Variants in DNAJC13 observed in about 807,000 individuals in gnomAD.
DNAJC13 encodes DnaJ heat shock protein family (Hsp40) member C13, also known as dnaJ homolog subfamily C member 13.
A neutral mutation model predicts 290.5 loss-of-function variants in DNAJC13; 75 were observed. The observed-to-expected ratio is 0.26, with a 90% CI of 0.21 to 0.31. DNAJC13 has a LOEUF of 0.31. Ranked by LOEUF, DNAJC13 falls within the 10% of genes least tolerant of loss-of-function variation. The pLI, the probability that DNAJC13 is intolerant of heterozygous loss-of-function variation, is 1.00. For missense variants in DNAJC13, 2,260 were observed against 2,674.5 expected (o/e 0.85, Z 3.42); for synonymous variants, 862 against 892.0 (o/e 0.97, Z 0.60).
In DNAJC13 at chr3:132,511,118, C is replaced by T; in HGVS notation, c.5167C>T (p.Gln1723Ter). ...SLLDYIGSQAQYLHTFMAITH... is the reference protein window; with the variant it reads ...SLLDYIGSQA ...CTTGGATTATATAGGCTCGCAGGCCCAATACTTGCACACATTCATGGCCAT... is the reference window on the plus strand; with the variant it reads ...CTTGGATTATATAGGCTCGCAGGCCTAATACTTGCACACATTCATGGCCAT... Residue 1723 changes from glutamine (Q) to a stop codon, truncating the protein, a stop_gained, in exon 44 of 56, where the codon CAA (glutamine) becomes TAA (stop). Coordinates refer to ENST00000260818, the MANE Select transcript of DNAJC13 (RefSeq NM_015268.4). LOFTEE classifies it high-confidence loss of function. 6.2e-7 allele frequency: 1 copy of T among 1,613,848 alleles called. No homozygotes were observed. The highest frequency in any genetic ancestry group is 8.5e-7 in the Non-Finnish European group (1 of 1,179,886).
intron 2 of DNAJC13, among the ~76,000 whole-genome samples, chr3:132,445,111 T>C (rs1487128489): frequency 6.6e-6 from 1 of 152,160 alleles, no homozygotes; most frequent in Non-Finnish European, 1.5e-5. Flanking sequence ...ATACTTTTAT[T>C]GTATTACCTT....
At chr3:132,420,998 T>G (rs1184614768) in intron 1 of DNAJC13, among the ~76,000 whole-genome samples, 1 of 152,228 alleles carries the variant, frequency 6.6e-6, no homozygotes, top group Non-Finnish European at 1.5e-5. Flanking sequence ...GTTTTGTACA[T>G]GTTAAATACT....
intron 31 of DNAJC13, among the ~76,000 whole-genome samples, chr3:132,489,268 A>T (rs1305123986): frequency 6.6e-6 from 1 of 152,174 alleles, no homozygotes; most frequent in African/African-American, 2.4e-5. Context: ...CTATAGCCTG[A>T]CACCTCCATG....
At chr3:132,482,408 G>C in intron 27 of DNAJC13, 78 bp downstream of exon 27, 1 of 1,141,698 alleles carries the variant, frequency 8.8e-7, no homozygotes, top group Non-Finnish European at 1.3e-6. Flanking sequence ...CAGAGGCGTG[G>C]AATGTTTTAA....
chr3:132,521,378 C>T (rs1053518321), intron 48 of DNAJC13, among the ~76,000 whole-genome samples: 5 of 152,072 alleles, frequency 3.3e-5, no homozygotes, highest in Admixed American at 6.6e-5. Context: ...TCCAAAAAAA[C>T]AATAAGCAGT....
At position 132,525,603 on chromosome 3, in the gene DNAJC13, C is replaced by T. The variant is rs185211266; in HGVS notation, c.6061-7C>T. 19 of 1,612,838 alleles carry T rather than the reference C, an allele frequency of 1.2e-5. No individual in the cohort carries two copies. In the Admixed American group the frequency reaches 3.2e-4, roughly 27 times the overall value. On this transcript the variant is annotated splice_region_variant and splice_polypyrimidine_tract_variant and intron_variant, in intron 51 of 55. Coordinates refer to ENST00000260818, the MANE Select transcript of DNAJC13 (RefSeq NM_015268.4). ...ATAGTTGATTTATTTTTGTTTTACACCTGCAGGGAGAAACTCTGGAAACCT... is the reference window on the plus strand; with the variant it reads ...ATAGTTGATTTATTTTTGTTTTACATCTGCAGGGAGAAACTCTGGAAACCT...
chr3:132,424,979 C>T (rs1171772358), intron 1 of DNAJC13, among the ~76,000 whole-genome samples: 2 of 152,092 alleles, frequency 1.3e-5, no homozygotes, highest in African/African-American at 4.8e-5. Flanking sequence ...ACAGCACATT[C>T]TATCTAAACA....
At chr3:132,436,163 G>A (rs1396581462) in intron 2 of DNAJC13, among the ~76,000 whole-genome samples, 3 of 151,996 alleles carry the variant, frequency 2.0e-5, no homozygotes, top group East Asian at 1.9e-4. Flanking sequence ...TCATCACCTC[G>A]CCTTCCCTGC....
intron 2 of DNAJC13, among the ~76,000 whole-genome samples, chr3:132,441,094 G>C (rs1933050942): frequency 6.6e-6 from 1 of 152,142 alleles, no homozygotes; most frequent in African/African-American, 2.4e-5. Flanking sequence ...TATCCTAAAG[G>C]CTTCAAGAAA....
At chr3:132,490,247 G>A (rs192220151) in intron 31 of DNAJC13, among the ~76,000 whole-genome samples, 94 of 152,126 alleles carry the variant, frequency 6.2e-4, no homozygotes, top group African/African-American at 2.1e-3. Context: ...CTTTAAATTT[G>A]CCTAGAAGGA....
intron 55 of DNAJC13, among the ~76,000 whole-genome samples, chr3:132,533,476 C>T (rs1301439004): frequency 6.6e-6 from 1 of 151,522 alleles, no homozygotes. Context: ...GCTGAGATTA[C>T]AGGTGTGCAC....
Position 132,502,374 on chromosome 3 carries a change from C to G in DNAJC13, c.4622C>G (p.Ala1541Gly), listed in dbSNP as rs149756093. Reference sequence around the variant, plus strand: ...TGGCTACAGACACACCTATTTCAGGCTGGAATTTTGTGGTATCTCCTTGGT... The same window carrying G: ...TGGCTACAGACACACCTATTTCAGGGTGGAATTTTGTGGTATCTCCTTGGT... Reference protein sequence around the residue: ...DFWLQTHLFQAGILWYLLGFL... With the variant: ...DFWLQTHLFQGGILWYLLGFL... Residue 1541 changes from alanine (A) to glycine (G), a missense_variant, in exon 40 of 56, where the codon GCT becomes GGT. Transcript: ENST00000260818. 2.0e-5 allele frequency: 32 copies of G among 1,613,794 alleles called. No individual in the cohort carries two copies. The African/African-American group carries it at 4.0e-4, about 20-fold the overall frequency.
intron 6 of DNAJC13, among the ~76,000 whole-genome samples, chr3:132,451,255 A>G (rs1933406700): frequency 6.6e-6 from 1 of 152,114 alleles, no homozygotes; most frequent in African/African-American, 2.4e-5. Flanking sequence ...TGAGCCCAGG[A>G]GTTTGAGACC....
chr3:132,538,924 C>A lies in DNAJC13; in HGVS notation c.*642C>A, dbSNP rs1237740241. The A allele has an allele frequency of 6.6e-6, 1 of 152,612 alleles. No individual in the cohort carries two copies. Among genetic ancestry groups the A allele is most frequent in the Admixed American group, 6.5e-5 (1 of 15,282 alleles). 9.5% of individuals were successfully genotyped at this position (152,612 alleles called of 1,614,324 possible). Reference sequence around the variant, plus strand: ...GAGTGTAATTGTGAAATGTTCTATACACTATCAAATATATAAAGCTTTCTA... The same window carrying A: ...GAGTGTAATTGTGAAATGTTCTATAAACTATCAAATATATAAAGCTTTCTA... On this transcript the variant is annotated 3_prime_UTR_variant, in exon 56 of 56. Coordinates refer to ENST00000260818, the MANE Select transcript of DNAJC13 (RefSeq NM_015268.4).
At chr3:132,462,886 A>G (rs1187580379) in intron 16 of DNAJC13, among the ~76,000 whole-genome samples, 2 of 152,250 alleles carry the variant, frequency 1.3e-5, no homozygotes, top group Non-Finnish European at 2.9e-5. Context: ...GAGTTAGTTC[A>G]TACCAAAATG....
rs1935932431 is a variant in DNAJC13, at chr3:132,516,761, C to T, written c.5618C>T (p.Ala1873Val). Residue 1873 changes from alanine (A) to valine (V), a missense_variant, in exon 48 of 56, where the codon GCC becomes GTC. This residue lies in a region of DNAJC13 where 1,494 missense variants were observed against 1,693.7 expected (regional missense o/e 0.88). Coordinates refer to ENST00000260818, the MANE Select transcript of DNAJC13 (RefSeq NM_015268.4). ...FCNSTHPQVR[A>V]QTAELFAKMT... The stretch of plus-strand genomic sequence containing the variant: ...AATTCAACACATCCACAGGTTCGAG[C>T]CCAAACAGCAGAACTTTTTGCCAAA... The T allele has an allele frequency of 1.2e-6, 2 of 1,613,398 alleles. No individual in the cohort carries two copies. Among genetic ancestry groups the T allele is most frequent in the South Asian group, 1.1e-5 (1 of 91,062 alleles).
chr3:132,453,721 T>G (rs1302142535), intron 8 of DNAJC13, 27 bp downstream of exon 8: 2 of 1,547,648 alleles, frequency 1.3e-6, no homozygotes, highest in Non-Finnish European at 1.8e-6. Context: ...TTAGCTTAAA[T>G]GAGATTTCTT....
intron 55 of DNAJC13, chr3:132,537,155 C>T (rs1559919526): frequency 6.6e-6 from 3 of 456,142 alleles, no homozygotes; most frequent in Non-Finnish European, 1.3e-5. Flanking sequence ...TTTTTCCCCT[C>T]AGGTGTCTCT....
At chr3:132,501,681 A>G (rs1415913657) in intron 39 of DNAJC13, among the ~76,000 whole-genome samples, 2 of 152,184 alleles carry the variant, frequency 1.3e-5, no homozygotes, top group African/African-American at 2.4e-5. Flanking sequence ...TTTCCTCCCA[A>G]TCCAGACCTG....
Sources: gnomAD v4.1 joint callset for allele counts (sites outside exome capture counted in the v4.1 genomes callset) on GRCh38, gnomAD v4.1.1 for gene constraint, gnomAD v4.1.1 regional missense constraint, MANE v1.5 for transcripts, NCBI Gene and HGNC (gene_info 2026-07-23, HGNC 2026-07-21) for gene names.